Variants in CNTN6 observed in about 807,000 individuals in gnomAD.
CNTN6 encodes contactin-6.
In CNTN6, 137 loss-of-function variants were observed where a neutral mutation model predicts 122.8. The ratio of observed to expected loss-of-function variants is 1.12; its 90% CI spans 0.97 to 1.29. The LOEUF (loss-of-function observed/expected upper bound fraction) is 1.29. Among genes scored for constraint, CNTN6 ranks in the 50% most tolerant of loss-of-function variants. The probability of loss-of-function intolerance (pLI) is 0.00; values close to 1 mark genes in which losing one functional copy is unlikely to be tolerated. For synonymous variants in CNTN6, 570 were observed against 426.0 expected (o/e 1.34, Z -4.16); for missense variants, 1,634 against 1,223.4 (o/e 1.34, Z -5.01).
intron 7 of CNTN6, among the ~76,000 whole-genome samples, chr3:1,313,594 T>C (rs1012682415): frequency 6.6e-6 from 1 of 152,046 alleles, no homozygotes; most frequent in Non-Finnish European, 1.5e-5. Flanking sequence ...TCCTTTTTTT[T>C]CCCCCAACTG....
chr3:1,301,077 C>T (rs1697316796), intron 7 of CNTN6, among the ~76,000 whole-genome samples: 1 of 127,164 alleles, frequency 7.9e-6, no homozygotes, highest in Non-Finnish European at 1.6e-5. Context: ...AACTCTGTCG[C>T]CCAGGCTGGA....
rs140024664 is a variant in CNTN6 at position 1,115,308 on chromosome 3, A to T, written c.-83+22188A>T. Among the ~76,000 whole-genome samples, 463 of 152,310 alleles carry T rather than the reference A, an allele frequency of 3.0e-3. 2 individuals carry two copies. Among genetic ancestry groups the T allele is most frequent in the African/African-American group, 0.011 (444 of 41,566 alleles). On this transcript the variant is annotated intron_variant, in intron 1 of 22. Coordinates refer to ENST00000446702, the MANE Select transcript of CNTN6 (RefSeq NM_001289080.2). ...ATGAATGTATTGCTAGGGTTATCAC[A>T]TTTGAGGAGTCCTCAGTAAAAGAAG...
intron 5 of CNTN6, among the ~76,000 whole-genome samples, chr3:1,293,335 G>A (rs899530): frequency 1.4e-5 from 2 of 146,192 alleles, no homozygotes; most frequent in Non-Finnish European, 1.5e-5. Flanking sequence ...TTTTTTTCTC[G>A]ATGGAAGGGA....
Position 1,295,743 on chromosome 3 carries a change from T to A in CNTN6, c.597T>A (p.Thr199=). 1 of 1,614,054 alleles carries A rather than the reference T, an allele frequency of 6.2e-7. No individual in the cohort carries two copies. The change falls in exon 6 of 23, where the codon ACT becomes ACA. Residue 199 remains threonine, a synonymous_variant. Coordinates refer to ENST00000446702, the MANE Select transcript of CNTN6 (RefSeq NM_001289080.2). ...SDVGNYTCFI[T]NKEAQRSVQG... ...TGGGCAACTACACTTGCTTTATAAC[T>A]AACAAAGAGGCCCAGAGAAGTGTTC... is the stretch of plus-strand genomic sequence containing the variant.
At chr3:1,370,218 TTTTC>T (rs1194660869) in intron 12 of CNTN6, among the ~76,000 whole-genome samples, 54 of 152,050 alleles carry the variant, frequency 3.6e-4, no homozygotes, top group African/African-American at 1.1e-3. Flanking sequence ...TCTCTCTTCT[TTTTC>T]TTTCTTTTTT....
At chr3:1,106,918 A>T (rs1272332663) in intron 1 of CNTN6, among the ~76,000 whole-genome samples, 2 of 152,116 alleles carry the variant, frequency 1.3e-5, no homozygotes, top group African/African-American at 2.4e-5. Flanking sequence ...GAGTTACTCA[A>T]ATATTAGTTG....
intron 1 of CNTN6, among the ~76,000 whole-genome samples, chr3:1,099,339 T>C (rs1008090878): frequency 2.6e-5 from 4 of 151,758 alleles, no homozygotes; most frequent in Admixed American, 2.0e-4. Flanking sequence ...TAGTCCCAGC[T>C]ACTGGGGAGG....
At chr3:1,295,533 C>T in intron 5 of CNTN6, 68 bp from the exon 6 acceptor site, 1 of 1,362,444 alleles carries the variant, frequency 7.3e-7, no homozygotes, top group South Asian at 1.3e-5. Context: ...AAAGAATTTT[C>T]AGATATGAAT....
chr3:1,098,768 A>G (rs1207858774), intron 1 of CNTN6, among the ~76,000 whole-genome samples: 2 of 62,754 alleles, frequency 3.2e-5, no homozygotes, highest in South Asian at 1.2e-3. Context: ...ACACACACAC[A>G]CACACACACA....
chr3:1,330,018 A>G, intron 11 of CNTN6, 83 bp downstream of exon 11: 1 of 1,061,116 alleles, frequency 9.4e-7, no homozygotes. Flanking sequence ...GGCCTTTCAA[A>G]ATTTCCTCTT....
chr3:1,328,813 G>GTAAA (rs1701883211), intron 10 of CNTN6, among the ~76,000 whole-genome samples: 1 of 151,662 alleles, frequency 6.6e-6, no homozygotes, highest in Non-Finnish European at 1.5e-5. Flanking sequence ...ATGGAGACTG[G>GTAAA]ACACATGGAT....
rs1257899928 is a variant in CNTN6 at position 1,220,766 on chromosome 3, G to T, written c.135G>T (p.Glu45Asp). The change falls in exon 3 of 23, where the codon GAG (glutamate) becomes GAT (aspartate). Residue 45 changes from glutamate (E) to aspartate (D), a missense_variant. Transcript: ENST00000446702. ...VIFPLDLSKS[E>D]VILNCAANGY... ...TTCCTTTGGATTTATCAAAATCTGA[G>T]GTCATCCTGAATTGTGCTGCTAATG... 1 of 1,612,520 alleles carries T rather than the reference G, an allele frequency of 6.2e-7. No homozygotes were observed. The highest frequency in any genetic ancestry group is 1.1e-5 in the South Asian group (1 of 90,904).
chr3:1,320,802 T>C (rs1265854969), intron 7 of CNTN6, among the ~76,000 whole-genome samples: 1 of 151,710 alleles, frequency 6.6e-6, no homozygotes, highest in Non-Finnish European at 1.5e-5. Context: ...AAACCATTAA[T>C]TTCTAAATTC....
chr3:1,208,237 T>A (rs2093984435), intron 2 of CNTN6, among the ~76,000 whole-genome samples: 1 of 152,144 alleles, frequency 6.6e-6, no homozygotes, highest in South Asian at 2.1e-4. Context: ...AATTCAAACC[T>A]CTGTCATATC....
intron 4 of CNTN6, among the ~76,000 whole-genome samples, chr3:1,257,914 G>A (rs977908005): frequency 6.6e-5 from 10 of 152,324 alleles, no homozygotes; most frequent in African/African-American, 2.4e-4. Flanking sequence ...AGGTTTAGAA[G>A]TCAGCATTAA....
intron 17 of CNTN6, among the ~76,000 whole-genome samples, chr3:1,377,774 C>T (rs1710088779): frequency 6.6e-6 from 1 of 152,094 alleles, no homozygotes; most frequent in South Asian, 2.1e-4. Context: ...CACAGTGTTA[C>T]CTCTGGATTC....
chr3:1,365,548 C>G (rs926433284), intron 12 of CNTN6, among the ~76,000 whole-genome samples: 1 of 151,920 alleles, frequency 6.6e-6, no homozygotes, highest in Non-Finnish European at 1.5e-5. Context: ...TCCTTATATA[C>G]CAAGATATAC....
chr3:1,401,796 C>T (rs903539329), intron 21 of CNTN6, among the ~76,000 whole-genome samples: 4 of 151,930 alleles, frequency 2.6e-5, no homozygotes, highest in African/African-American at 9.7e-5. Flanking sequence ...CAAGTGGCAT[C>T]CCTTGCTATC....
intron 4 of CNTN6, among the ~76,000 whole-genome samples, chr3:1,275,570 G>A (rs1187610876): frequency 6.6e-6 from 1 of 152,100 alleles, no homozygotes; most frequent in Non-Finnish European, 1.5e-5. Context: ...CACCCCATCA[G>A]GTTTACATTC....
Sources: gnomAD v4.1 joint callset for allele counts (sites outside exome capture counted in the v4.1 genomes callset) on GRCh38, gnomAD v4.1.1 for gene constraint, MANE v1.5 for transcripts, NCBI Gene and HGNC (gene_info 2026-07-23, HGNC 2026-07-21) for gene names.